UTY: variants seen among roughly 807,000 people sequenced by gnomAD.
UTY encodes histone demethylase UTY.
UTY carries 12 observed loss-of-function variants against 32.5 expected under a neutral mutation model. The observed-to-expected ratio is 0.37, with a 90% CI of 0.24 to 0.60. The LOEUF is 0.60. Ranked by LOEUF, UTY falls within the 20% of genes least tolerant of loss-of-function variation. UTY has a pLI of 0.69. For missense variants in UTY, 303 were observed against 299.2 expected (o/e 1.01, Z -0.09); for synonymous variants, 131 against 103.4 (o/e 1.27, Z -1.62).
At chrY:13,450,840 A>G (rs2150080829) in intron 3 of UTY, among the ~76,000 whole-genome samples, 1 of 30,995 alleles carries the variant, frequency 3.2e-5, no homozygotes, top group South Asian at 7.5e-4. Context: ...AAAAAAAAAA[A>G]GGGCAAATGA....
chrY:13,413,671 C>T, intron 5 of UTY, among the ~76,000 whole-genome samples: 1 of 34,997 alleles, frequency 2.9e-5, no homozygotes, highest in Non-Finnish European at 7.2e-5. Flanking sequence ...CAGTTGCCAG[C>T]ACCCAAGGCG....
intron 27 of UTY, chrY:13,297,321 A>G (rs2058085132): frequency 1.9e-5 from 1 of 53,212 alleles, no homozygotes; most frequent in Admixed American, 2.3e-4. Context: ...AATTTGCACT[A>G]TAAACTATAC....
chrY:13,385,082 G>A (rs990408127), intron 8 of UTY, among the ~76,000 whole-genome samples: 2 of 33,264 alleles, frequency 6.0e-5, no homozygotes, highest in African/African-American at 2.4e-4. Flanking sequence ...CCTGACCTCA[G>A]GTGATACCCG....
downstream of UTY, among the ~76,000 whole-genome samples, chrY:13,244,176 G>C (rs891655613): frequency 1.5e-4 from 5 of 32,629 alleles, no homozygotes; most frequent in Admixed American, 5.7e-4. Flanking sequence ...TCATTCATAT[G>C]TGGGGGCTAA....
intron 8 of UTY, among the ~76,000 whole-genome samples, chrY:13,373,355 G>A (rs2065104417): frequency 5.9e-5 from 2 of 33,851 alleles, no homozygotes; most frequent in African/African-American, 2.3e-4. Flanking sequence ...ATCACGAGCT[G>A]AAGTCAGAAG....
chrY:13,329,210 C>T (rs2060487762), intron 18 of UTY, among the ~76,000 whole-genome samples: 1 of 32,987 alleles, frequency 3.0e-5, no homozygotes, highest in African/African-American at 1.2e-4. Context: ...GTTATATAAT[C>T]GTGAAGCAAA....
chrY:13,409,266 A>G, intron 6 of UTY, among the ~76,000 whole-genome samples: 1 of 33,689 alleles, frequency 3.0e-5, no homozygotes, highest in Non-Finnish European at 7.4e-5. Flanking sequence ...AAAATTTCAG[A>G]AAGACTGAAA....
intron 4 of UTY, among the ~76,000 whole-genome samples, chrY:13,445,540 G>A (rs2075659553): frequency 3.6e-5 from 1 of 27,900 alleles, no homozygotes; most frequent in Non-Finnish European, 8.4e-5. Context: ...TAAATCCTAC[G>A]AGTAAACTAC....
chrY:13,424,489 C>T, intron 4 of UTY, among the ~76,000 whole-genome samples: 1 of 32,525 alleles, frequency 3.1e-5, no homozygotes, highest in African/African-American at 1.2e-4. Context: ...ACTTTGGAGG[C>T]GGGCGGACCA....
intron 4 of UTY, among the ~76,000 whole-genome samples, chrY:13,420,776 T>C: frequency 2.4e-4 from 8 of 32,916 alleles, no homozygotes. Context: ...CACAAAACTA[T>C]AAAAACCCTG....
intron 27 of UTY, among the ~76,000 whole-genome samples, chrY:13,279,544 G>A: frequency 3.0e-5 from 1 of 33,208 alleles, no homozygotes; most frequent in South Asian, 6.7e-4. Flanking sequence ...CACCATATCC[G>A]GCCTGACCAA....
At chrY:13,479,093 G>A in intron 2 of UTY, 161 bp downstream of exon 2, 1 of 157,513 alleles carries the variant, frequency 6.3e-6, no homozygotes, top group Non-Finnish European at 1.2e-5. Flanking sequence ...GGAGCAAGGG[G>A]CGAAGTATTC....
At chrY:13,278,149 C>T (rs2056804339) in intron 27 of UTY, among the ~76,000 whole-genome samples, 6 of 33,439 alleles carry the variant, frequency 1.8e-4, no homozygotes, top group South Asian at 6.9e-4. Flanking sequence ...GAAAAGAACT[C>T]ACTCCTTTGA....
intron 4 of UTY, among the ~76,000 whole-genome samples, chrY:13,441,227 T>C (rs763324262): frequency 6.1e-5 from 2 of 32,692 alleles, no homozygotes; most frequent in African/African-American, 2.4e-4. Context: ...AGACTCAAGC[T>C]CACAAACCTC....
intron 8 of UTY, among the ~76,000 whole-genome samples, chrY:13,371,813 T>C: frequency 3.0e-5 from 1 of 33,096 alleles, no homozygotes; most frequent in Admixed American, 2.8e-4. Context: ...GGAGAAGTTG[T>C]AGGGGTATGG....
At chrY:13,241,920 C>A (rs2053907470) in intron 28 of UTY, among the ~76,000 whole-genome samples, 1 of 31,796 alleles carries the variant, frequency 3.1e-5, no homozygotes, top group Non-Finnish European at 7.6e-5. Flanking sequence ...TTCTACTAAA[C>A]ACACAAAAAT....
chrY:13,256,196 T>C (rs2054705788), intron 28 of UTY, among the ~76,000 whole-genome samples: 2 of 33,923 alleles, frequency 5.9e-5, no homozygotes, highest in African/African-American at 2.3e-4. Context: ...TAGGCATTGC[T>C]ACCTATGCTA....
chrY:13,289,287 T>A, intron 27 of UTY, among the ~76,000 whole-genome samples: 1 of 33,899 alleles, frequency 2.9e-5, no homozygotes, highest in Non-Finnish European at 7.4e-5. Flanking sequence ...TCATATTGTT[T>A]TATACTCAGT....
At chrY:13,470,380 G>A in intron 2 of UTY, 151 bp from the exon 3 acceptor site, 1 of 115,266 alleles carries the variant, frequency 8.7e-6, no homozygotes, top group Non-Finnish European at 1.6e-5. Context: ...ATTTCAGAGA[G>A]GAAATAACTT....
Sources: gnomAD v4.1 joint callset for allele counts (sites outside exome capture counted in the v4.1 genomes callset) on GRCh38, gnomAD v4.1.1 for gene constraint, MANE v1.5 for transcripts, NCBI Gene and HGNC (gene_info 2026-07-23, HGNC 2026-07-21) for gene names.